Variants in MRPL27 observed in about 807,000 individuals in gnomAD.
MRPL27 encodes the protein large ribosomal subunit protein bL27m.
MRPL27 carries 4 observed loss-of-function variants against 14.6 expected under a neutral mutation model. The observed-to-expected ratio is 0.27, with a 90% CI of 0.14 to 0.63. The LOEUF (loss-of-function observed/expected upper bound fraction) is 0.63. Ranked by LOEUF, MRPL27 falls within the 20% of genes least tolerant of loss-of-function variation. The pLI is 0.85. For missense variants in MRPL27, 196 were observed against 192.8 expected (o/e 1.02, Z -0.10); for synonymous variants, 82 against 75.5 (o/e 1.09, Z -0.45).
rs925681979 is a variant in MRPL27 at position 50,373,104 on chromosome 17, C to T, written c.40+27G>A. 3.1e-6 allele frequency: 5 copies of T among 1,613,972 alleles called. No homozygotes were observed. In the South Asian group the frequency reaches 3.3e-5, roughly 11 times the overall value. On this transcript the variant is annotated intron_variant, in intron 1 of 3. Transcript: ENST00000225969. The stretch of plus-strand genomic sequence containing the variant: ...GCTCCACTCTGCCTCCCCGCCTCAC[C>T]CCGCTCTGACTACTGCGTCCCATTA...
At chr17:50,369,190 C>T in intron 3 of MRPL27, 1 of 317,692 alleles carries the variant, frequency 3.1e-6, no homozygotes, top group South Asian at 5.8e-5. Flanking sequence ...GCTCAACAAT[C>T]ATAAAGGGCC....
At chr17:50,372,180 A>G (rs370168580) in intron 1 of MRPL27, among the ~76,000 whole-genome samples, 25 of 150,722 alleles carry the variant, frequency 1.7e-4, no homozygotes, top group African/African-American at 6.1e-4. Flanking sequence ...GCTTCTCAAA[A>G]TGTAAAACTG....
intron 3 of MRPL27, chr17:50,369,081 T>A: frequency 1.8e-6 from 1 of 557,678 alleles, no homozygotes; most frequent in Non-Finnish European, 3.2e-6. Context: ...TACTTACTCC[T>A]GTGTGGTCTT....
At chr17:50,369,121 T>C in intron 3 of MRPL27, 2 of 484,820 alleles carry the variant, frequency 4.1e-6, no homozygotes, top group Non-Finnish European at 7.3e-6. Context: ...GCCTCTATTT[T>C]TTCGTCTGTC....
intron 1 of MRPL27, 172 bp downstream of exon 1, chr17:50,372,959 C>T (rs1353982926): frequency 3.4e-6 from 3 of 887,726 alleles, no homozygotes; most frequent in Non-Finnish European, 5.2e-6. Flanking sequence ...CACGGCTCCA[C>T]CCAGGATGTG....
Position 50,367,937 on chromosome 17 carries a change from G to C in MRPL27, c.*155C>G. 2 of 805,336 alleles carry C rather than the reference G, an allele frequency of 2.5e-6. No homozygotes were observed. Among genetic ancestry groups the C allele is most frequent in the Middle Eastern group, 3.7e-4 (1 of 2,686 alleles). The allele number at this position is 805,336 out of a possible 1,614,324, so 49.9% of individuals were successfully genotyped here. ...TGGCCCCAGGTCAGGTCTCCCAAAGGGTTTCCCAGCAGTCACTTCAGAGTC... is the reference window on the plus strand; with the variant it reads ...TGGCCCCAGGTCAGGTCTCCCAAAGCGTTTCCCAGCAGTCACTTCAGAGTC... On this transcript the variant is annotated 3_prime_UTR_variant, in exon 4 of 4. Transcript: ENST00000225969.
At chr17:50,372,103 C>T (rs1047980390) in intron 1 of MRPL27, among the ~76,000 whole-genome samples, 5 of 152,198 alleles carry the variant, frequency 3.3e-5, no homozygotes, top group Middle Eastern at 3.2e-3. Flanking sequence ...AGGGCTATTA[C>T]GACTTTCCAT....
Position 50,370,070 on chromosome 17 carries a change from C to A in MRPL27, c.202G>T (p.Ala68Ser), listed in dbSNP as rs748695790. ...GHYVHAGNII[A>S]TQRHFRWHPG... is the part of the protein sequence containing the mutation. ...TGCCAGCGGAAATGGCGCTGTGTTG[C>A]AATGATGTTCCCAGCATGAACATAG... is the stretch of plus-strand genomic sequence containing the variant. The change falls in exon 3 of 4, where the codon GCA (alanine) becomes TCA (serine). Residue 68 changes from alanine (A) to serine (S), a missense_variant. Ala to Ser is a moderately conservative substitution (Grantham distance 99). Transcript: ENST00000225969. The A allele has an allele frequency of 1.9e-6, 3 of 1,613,578 alleles. No homozygotes were observed. The highest frequency in any genetic ancestry group is 2.5e-6 in the Non-Finnish European group (3 of 1,179,868).
At chr17:50,371,726 G>A (rs1321967455) in intron 1 of MRPL27, among the ~76,000 whole-genome samples, 1 of 152,140 alleles carries the variant, frequency 6.6e-6, no homozygotes, top group African/African-American at 2.4e-5. Context: ...CAGAGATAAG[G>A]ACTCAGAAAG....
At position 50,368,039 on chromosome 17, in the gene MRPL27, A is replaced by G; in HGVS notation, c.*53T>C. The G allele has an allele frequency of 6.3e-7, 1 of 1,599,158 alleles. No individual in the cohort carries two copies. The highest frequency in any genetic ancestry group is 8.6e-7 in the Non-Finnish European group (1 of 1,168,598). On this transcript the variant is annotated 3_prime_UTR_variant, in exon 4 of 4. Coordinates refer to ENST00000225969, the MANE Select transcript of MRPL27 (RefSeq NM_016504.3). ...ACCCCAACCCTTGACTTCTGGTATCACCATCTCCTGTCACCTGGGCTCCAG... is the reference window on the plus strand; with the variant it reads ...ACCCCAACCCTTGACTTCTGGTATCGCCATCTCCTGTCACCTGGGCTCCAG...
At chr17:50,371,023 A>C in intron 1 of MRPL27, 1 of 161,352 alleles carries the variant, frequency 6.2e-6, no homozygotes, top group Non-Finnish European at 1.4e-5. Flanking sequence ...ACGGAGCTTC[A>C]CTCTTGTTGC....
intron 3 of MRPL27, chr17:50,369,684 T>G (rs1342572761): frequency 1.0e-5 from 3 of 285,970 alleles, no homozygotes; most frequent in Non-Finnish European, 1.3e-5. Context: ...TAAAATAATA[T>G]TTTAAATCAC....
intron 1 of MRPL27, 183 bp from the exon 2 acceptor site, chr17:50,370,769 G>T (rs1053145844): frequency 5.5e-6 from 4 of 721,280 alleles, no homozygotes; most frequent in Non-Finnish European, 8.9e-6. Flanking sequence ...TCTCCTTTTG[G>T]GGGAGGGGGC....
intron 1 of MRPL27, 98 bp from the exon 2 acceptor site, chr17:50,370,684 A>G (rs1913105806): frequency 6.5e-7 from 1 of 1,543,278 alleles, no homozygotes; most frequent in African/African-American, 1.4e-5. Context: ...TGGGGAGATG[A>G]GAAAGCTGTG....
intron 1 of MRPL27, chr17:50,370,823 G>A (rs565200369): frequency 1.2e-4 from 54 of 454,570 alleles, no homozygotes; most frequent in African/African-American, 9.8e-4. Flanking sequence ...AACATCATGT[G>A]TTCTGGGTTC....
At position 50,370,085 on chromosome 17, in the gene MRPL27, C is replaced by T; in HGVS notation, c.187G>A (p.Ala63Thr). Residue 63 changes from alanine to threonine, a missense_variant, in exon 3 of 4, where the codon GCT (alanine) becomes ACT (threonine). Physicochemically the swap from Ala to Thr is moderately conservative, Grantham distance 58. Coordinates refer to ENST00000225969, the MANE Select transcript of MRPL27 (RefSeq NM_016504.3). ...IKKMEGHYVH[A>T]GNIIATQRHF... Reference sequence around the variant, plus strand: ...CGCTGTGTTGCAATGATGTTCCCAGCATGAACATAGTGACCTAGAAGAGAA... The same window carrying T: ...CGCTGTGTTGCAATGATGTTCCCAGTATGAACATAGTGACCTAGAAGAGAA... 1.2e-6 allele frequency: 2 copies of T among 1,612,786 alleles called. No individual in the cohort carries two copies. The highest frequency in any genetic ancestry group is 1.7e-6 in the Non-Finnish European group (2 of 1,179,628).
intron 1 of MRPL27, 168 bp downstream of exon 1, chr17:50,372,963 G>C: frequency 1.1e-6 from 1 of 905,308 alleles, no homozygotes; most frequent in East Asian, 2.7e-5. Context: ...GCTCCACCCA[G>C]GATGTGTCAC....
intron 1 of MRPL27, among the ~76,000 whole-genome samples, chr17:50,372,202 T>C (rs1214353936): frequency 1.4e-5 from 2 of 140,984 alleles, no homozygotes; most frequent in Non-Finnish European, 1.6e-5. Flanking sequence ...CTCAAGTCAC[T>C]CTCCTGTCCC....
intron 2 of MRPL27, 165 bp from the exon 3 acceptor site, chr17:50,370,264 C>CT: frequency 8.7e-7 from 1 of 1,150,448 alleles, no homozygotes; most frequent in Non-Finnish European, 1.2e-6. Flanking sequence ...GCTCTTGTCT[C>CT]TAATTGCATG....
Sources: gnomAD v4.1 joint callset for allele counts (sites outside exome capture counted in the v4.1 genomes callset) on GRCh38, gnomAD v4.1.1 for gene constraint, MANE v1.5 for transcripts, NCBI Gene and HGNC (gene_info 2026-07-23, HGNC 2026-07-21) for gene names.